Variants in ELMO1 observed in about 807,000 individuals in gnomAD.
ELMO1 encodes the protein engulfment and cell motility protein 1.
A neutral mutation model predicts 98.9 loss-of-function variants in ELMO1; 26 were observed. That is an observed-to-expected ratio of 0.26 (90% confidence interval 0.19 to 0.36). The LOEUF (loss-of-function observed/expected upper bound fraction) is 0.36. ELMO1 is among the 10% of genes least tolerant of loss of function. ELMO1 has a pLI of 1.00. For synonymous variants in ELMO1, 346 were observed against 346.0 expected (o/e 1.00, Z 0.00); for missense variants, 627 against 935.2 (o/e 0.67, Z 4.30).
chr7:37,110,782 C>T (rs1049241852), intron 14 of ELMO1, among the ~76,000 whole-genome samples: 6 of 152,170 alleles, frequency 3.9e-5, no homozygotes, highest in African/African-American at 1.2e-4. Context: ...CAGCCCCATG[C>T]TGTGGCTCTC....
At chr7:37,336,514 C>A (rs1477887890) in intron 2 of ELMO1, among the ~76,000 whole-genome samples, 1 of 152,086 alleles carries the variant, frequency 6.6e-6, no homozygotes, top group Non-Finnish European at 1.5e-5. Flanking sequence ...GACTCTAAGA[C>A]AAAGAGTGTC....
intron 16 of ELMO1, among the ~76,000 whole-genome samples, chr7:36,997,455 T>G (rs901265234): frequency 1.3e-5 from 2 of 151,950 alleles, no homozygotes; most frequent in African/African-American, 4.8e-5. Flanking sequence ...GCCCTTCTCA[T>G]AGAGTGGTGA....
intron 1 of ELMO1, among the ~76,000 whole-genome samples, chr7:37,419,222 T>C (rs1283077942): frequency 2.0e-5 from 3 of 152,190 alleles, no homozygotes; most frequent in Non-Finnish European, 4.4e-5. Flanking sequence ...ACTCTTAAAA[T>C]ATTTGTAATT....
intron 14 of ELMO1, among the ~76,000 whole-genome samples, chr7:37,132,324 T>G (rs920997909): frequency 1.3e-5 from 2 of 152,226 alleles, no homozygotes; most frequent in African/African-American, 4.8e-5. Context: ...TTTCTAAGCT[T>G]ACATCTAGTC....
At chr7:37,196,135 C>A (rs1791950622) in intron 13 of ELMO1, among the ~76,000 whole-genome samples, 1 of 152,202 alleles carries the variant, frequency 6.6e-6, no homozygotes, top group African/African-American at 2.4e-5. Flanking sequence ...CAGGCAGAGG[C>A]TCAATAAGCT....
At chr7:36,911,123 G>C (rs115753929) in intron 16 of ELMO1, among the ~76,000 whole-genome samples, 1 of 152,154 alleles carries the variant, frequency 6.6e-6, no homozygotes, top group African/African-American at 2.4e-5. Flanking sequence ...TGTGGAGAAA[G>C]GGATCTATTC....
At position 36,855,900 on chromosome 7, in the gene ELMO1, C is replaced by T. The variant is rs1702611139; in HGVS notation, c.1984-149G>A. 6.9e-6 allele frequency: 6 copies of T among 870,908 alleles called. No individual in the cohort carries two copies. Among genetic ancestry groups the T allele is most frequent in the Non-Finnish European group, 1.1e-5 (6 of 563,904 alleles). 53.9% of individuals were successfully genotyped at this position (870,908 alleles called of 1,614,324 possible). On this transcript the variant is annotated intron_variant, in intron 21 of 21. Coordinates refer to ENST00000310758, the MANE Select transcript of ELMO1 (RefSeq NM_014800.11). This position sits in a 1 kb window ranked among gnomAD's most constrained non-coding sequence, Gnocchi z 4.2. ...CGTCATTTCATATTTGGCGACATCT[C>T]AATATAAAGTCGATACTTCTGTTAT... is the stretch of plus-strand genomic sequence containing the variant.
chr7:36,964,133 T>G (rs532858805), intron 16 of ELMO1, among the ~76,000 whole-genome samples: 1 of 152,354 alleles, frequency 6.6e-6, no homozygotes, highest in South Asian at 2.1e-4. Flanking sequence ...TTTGTATATT[T>G]GGCATTTAAT....
intron 13 of ELMO1, among the ~76,000 whole-genome samples, chr7:37,140,252 G>A (rs1194524586): frequency 6.6e-6 from 1 of 151,838 alleles, no homozygotes; most frequent in East Asian, 1.9e-4. Context: ...TGGGCGTGGT[G>A]GCAGGCGCCT....
At position 36,895,764 on chromosome 7, in the gene ELMO1, G is replaced by GA. The variant is rs199834189; in HGVS notation, c.1438-748dup. Among the ~76,000 whole-genome samples the GA allele has an allele frequency of 9.6e-3, 1,466 of 152,246 alleles. 23 individuals are homozygous for GA. Among genetic ancestry groups the GA allele is most frequent in the African/African-American group, 0.033 (1,377 of 41,540 alleles). On this transcript the variant is annotated intron_variant, in intron 16 of 21. Transcript: ENST00000310758. Reference sequence around the variant, plus strand: ...GGACGCATACAGCACGAAAAGACCAGAAAAAACACAGAAGCATCTCAGAGC... The same window carrying GA: ...GGACGCATACAGCACGAAAAGACCAGAAAAAAACACAGAAGCATCTCAGAGC...
At chr7:36,878,249 A>G (rs1351400929) in intron 18 of ELMO1, 132 bp from the exon 19 acceptor site, 1 of 665,922 alleles carries the variant, frequency 1.5e-6, no homozygotes, top group Non-Finnish European at 2.6e-6. Flanking sequence ...GGAAGAATGA[A>G]TTCTAGGGCC....
chr7:36,993,015 A>C (rs1249212159), intron 16 of ELMO1, among the ~76,000 whole-genome samples: 3 of 152,216 alleles, frequency 2.0e-5, no homozygotes, highest in Non-Finnish European at 2.9e-5. Flanking sequence ...GGAAGAATAT[A>C]GGGTCTGATG....
intron 1 of ELMO1, among the ~76,000 whole-genome samples, chr7:37,357,584 A>G (rs569436440): frequency 2.3e-4 from 35 of 152,322 alleles, no homozygotes; most frequent in South Asian, 2.3e-3. Context: ...TGCTGTAGAT[A>G]TTTTATCTCT....
chr7:36,972,140 A>C (rs999788284), intron 16 of ELMO1, among the ~76,000 whole-genome samples: 2 of 152,182 alleles, frequency 1.3e-5, no homozygotes, highest in Non-Finnish European at 2.9e-5. Context: ...TCCTCCAAGT[A>C]ATCTAAGAAG....
rs749634890 is a variant in ELMO1 at position 36,925,458 on chromosome 7, G to A, written c.1438-30441C>T. Among the ~76,000 whole-genome samples the A allele has an allele frequency of 1.3e-4, 20 of 152,078 alleles. 1 individual carries two copies. Among genetic ancestry groups the A allele is most frequent in the Non-Finnish European group, 5.9e-5 (4 of 68,010 alleles). On this transcript the variant is annotated intron_variant, in intron 16 of 21. Coordinates refer to ENST00000310758, the MANE Select transcript of ELMO1 (RefSeq NM_014800.11). ...AAGATAAGACCTTAATTTATGAAAG[G>A]ATGCTATTCCTGGCAGGTAATGACC...
intron 1 of ELMO1, among the ~76,000 whole-genome samples, chr7:37,375,286 T>C (rs1408824772): frequency 6.6e-6 from 1 of 152,142 alleles, no homozygotes; most frequent in Non-Finnish European, 1.5e-5. Context: ...AAACAAATAT[T>C]AAATGGTTCC....
At chr7:36,950,527 CTG>C (rs553468195) in intron 16 of ELMO1, among the ~76,000 whole-genome samples, 193 of 152,334 alleles carry the variant, frequency 1.3e-3, no homozygotes, top group African/African-American at 4.4e-3. Context: ...CTTGGGCTGT[CTG>C]TGTTTCATGG....
At chr7:36,894,708 C>A in intron 17 of ELMO1, 146 bp downstream of exon 17, 1 of 1,003,146 alleles carries the variant, frequency 1.0e-6, no homozygotes, top group Non-Finnish European at 1.5e-6. Flanking sequence ...CTGAGACTCC[C>A]CTAACTAAAT....
intron 1 of ELMO1, among the ~76,000 whole-genome samples, chr7:37,347,071 G>A (rs537457253): frequency 4.1e-4 from 63 of 152,272 alleles, no homozygotes; most frequent in African/African-American, 1.5e-3. Context: ...AACAAACCAC[G>A]AGAGAAAGGG....
Sources: gnomAD v4.1 joint callset for allele counts (sites outside exome capture counted in the v4.1 genomes callset) on GRCh38, gnomAD v4.1.1 for gene constraint, Gnocchi (gnomAD v3.1) non-coding constraint, MANE v1.5 for transcripts, NCBI Gene and HGNC (gene_info 2026-07-23, HGNC 2026-07-21) for gene names.